The following DPP3 variants were observed in gnomAD, a reference collection of about 807,000 sequenced individuals.
The protein encoded by DPP3 is dipeptidyl peptidase 3.
Under a neutral mutation model 89.8 loss-of-function variants are expected in DPP3, and 64 were observed. That is an observed-to-expected ratio of 0.71 (90% CI 0.58 to 0.88). The LOEUF is 0.88. Among genes scored for constraint, DPP3 ranks in the 40% least tolerant of loss-of-function variants. The pLI, the probability that DPP3 is intolerant of heterozygous loss-of-function variation, is 0.00. For synonymous variants in DPP3, 377 were observed against 404.3 expected (o/e 0.93, Z 0.81); for missense variants, 835 against 972.5 (o/e 0.86, Z 1.88).
rs1855377232 is a variant in DPP3 at position 66,491,305 on chromosome 11, G to A, written c.720G>A (p.Arg240=). ...VTSKLKSYEF[R]GSPFQVTRGD... ...CCAAGCTGAAGAGCTATGAATTCCGGGGAAGCCCTTTCCAGGTGACCCGGG... is the reference window on the plus strand; with the variant it reads ...CCAAGCTGAAGAGCTATGAATTCCGAGGAAGCCCTTTCCAGGTGACCCGGG... Residue 240 remains arginine, a synonymous_variant, in exon 7 of 18, where the codon CGG becomes CGA. Transcript: ENST00000531863. The A allele has an allele frequency of 6.2e-7, 1 of 1,613,980 alleles. No homozygotes were observed. Among genetic ancestry groups the A allele is most frequent in the African/African-American group, 1.3e-5 (1 of 75,040 alleles).
At chr11:66,497,512 C>A in intron 16 of DPP3, 35 bp downstream of exon 16, 1 of 1,594,782 alleles carries the variant, frequency 6.3e-7, no homozygotes. Context: ...TGGGTCCCCA[C>A]CAACCTCTCC....
intron 16 of DPP3, among the ~76,000 whole-genome samples, chr11:66,501,579 C>T (rs57458798): frequency 3.4e-4 from 51 of 152,098 alleles, no homozygotes; most frequent in African/African-American, 1.2e-3. Context: ...AATCCCAGCA[C>T]TTTGGGAGGC....
chr11:66,497,216 A>ACCAAGGACCAAG, intron 15 of DPP3, 82 bp from the exon 16 acceptor site: 3 of 1,520,494 alleles, frequency 2.0e-6, no homozygotes, highest in South Asian at 1.3e-5. Flanking sequence ...CAAGCCTGGG[A>ACCAAGGACCAAG]CCAAGGACCA....
chr11:66,505,127 G>T (rs1855769031), intron 17 of DPP3, among the ~76,000 whole-genome samples: 1 of 152,178 alleles, frequency 6.6e-6, no homozygotes, highest in African/African-American at 2.4e-5. Flanking sequence ...GGGGTCAGGT[G>T]AGGAGGGAGC....
chr11:66,508,086 C>T (rs1855848579), intron 17 of DPP3, among the ~76,000 whole-genome samples: 1 of 152,138 alleles, frequency 6.6e-6, no homozygotes, highest in African/African-American at 2.4e-5. Flanking sequence ...TGTGTATTTG[C>T]CTGCGGTCAC....
Position 66,509,461 on chromosome 11 carries a change from A to G in DPP3, c.*210A>G, listed in dbSNP as rs1855892481. On this transcript the variant is annotated 3_prime_UTR_variant, in exon 18 of 18. Coordinates refer to ENST00000531863, the MANE Select transcript of DPP3 (RefSeq NM_130443.4). Reference sequence around the variant, plus strand: ...CCCTCTGTGATCTCATTTCATCTGCACTGCCATACGTGGAGTGAGCAAGAC... The same window carrying G: ...CCCTCTGTGATCTCATTTCATCTGCGCTGCCATACGTGGAGTGAGCAAGAC... 1.3e-6 allele frequency: 2 copies of G among 1,485,032 alleles called. No individual in the cohort carries two copies. The highest frequency in any genetic ancestry group is 2.4e-5 in the South Asian group (2 of 82,614). 92.0% of individuals were successfully genotyped at this position (1,485,032 alleles called of 1,614,324 possible).
intron 17 of DPP3, 28 bp from the exon 18 acceptor site, chr11:66,509,051 T>G: frequency 6.2e-7 from 1 of 1,611,194 alleles, no homozygotes; most frequent in Non-Finnish European, 8.5e-7. Flanking sequence ...GACCTTTCCC[T>G]GCTGTTTTCT....
At chr11:66,480,804 T>G in intron 1 of DPP3, 1 of 261,366 alleles carries the variant, frequency 3.8e-6, no homozygotes, top group Non-Finnish European at 7.2e-6. Context: ...CAGTAAATTG[T>G]TGCCCTTTCC....
At position 66,497,402 on chromosome 11, in the gene DPP3, C is replaced by A; in HGVS notation, c.1803C>A (p.Ala601=). The change falls in exon 16 of 18, where the codon GCC becomes GCA. Residue 601 remains alanine, a synonymous_variant. Coordinates refer to ENST00000531863, the MANE Select transcript of DPP3 (RefSeq NM_130443.4). ...CAGGCTCCGATGGGCGCCCAGATGC[C>A]CGGGTCCGCCTCGACCGCAGCAAGA... The part of the protein sequence containing the change: ...PTTGSDGRPD[A]RVRLDRSKIR... 2 of 1,613,922 alleles carry A rather than the reference C, an allele frequency of 1.2e-6. No homozygotes were observed. Among genetic ancestry groups the A allele is most frequent in the Non-Finnish European group, 1.7e-6 (2 of 1,179,992 alleles).
chr11:66,495,373 C>G lies in DPP3; in HGVS notation c.1461C>G (p.Ser487Arg). ...INPETGEQIQSWYRSGETWDS... is the reference protein window; with the variant it reads ...INPETGEQIQRWYRSGETWDS... ...TGGAGCTCCTTTTCCAGATTCAGAG[C>G]TGGTATCGGAGCGGGGAGACCTGGG... Residue 487 changes from serine (S) to arginine (R), a missense_variant, in exon 14 of 18, where the codon AGC (serine) becomes AGG (arginine). Physicochemically the swap from Ser to Arg is moderately radical, Grantham distance 110. Transcript: ENST00000531863. 1 of 1,613,848 alleles carries G rather than the reference C, an allele frequency of 6.2e-7. No homozygotes were observed. The highest frequency in any genetic ancestry group is 8.5e-7 in the Non-Finnish European group (1 of 1,179,824).
intron 16 of DPP3, among the ~76,000 whole-genome samples, chr11:66,498,573 C>T (rs1270947455): frequency 6.6e-6 from 1 of 152,186 alleles, no homozygotes; most frequent in Non-Finnish European, 1.5e-5. Context: ...CAAACAAAAA[C>T]AGTTTACCGT....
In DPP3 at chr11:66,508,647, C is replaced by T. The variant is rs376948698; in HGVS notation, c.2042-432C>T. Among the ~76,000 whole-genome samples the T allele has an allele frequency of 7.9e-5, 12 of 152,230 alleles. No individual in the cohort carries two copies. The South Asian group carries it at 1.0e-3, about 13-fold the overall frequency. On this transcript the variant is annotated intron_variant, in intron 17 of 17. Transcript: ENST00000531863. ...AAGCAATTCTCCAGCCTCAGCCTCC[C>T]GAGTAGCTGGGACTACAGGCTCATG...
chr11:66,495,581 G>C, intron 14 of DPP3, 49 bp from the exon 15 acceptor site: 1 of 1,613,800 alleles, frequency 6.2e-7, no homozygotes, highest in South Asian at 1.1e-5. Context: ...AGTGGGATGG[G>C]GACAGGGCAG....
intron 16 of DPP3, among the ~76,000 whole-genome samples, chr11:66,504,154 C>T (rs190090822): frequency 2.0e-4 from 31 of 151,608 alleles, no homozygotes; most frequent in East Asian, 9.7e-4. Context: ...AGAGACGAGA[C>T]GGGGTCTCAC....
intron 6 of DPP3, among the ~76,000 whole-genome samples, chr11:66,488,838 A>T (rs1385555924): frequency 1.3e-5 from 2 of 152,048 alleles, no homozygotes; most frequent in Non-Finnish European, 2.9e-5. Flanking sequence ...GTTCTGATGG[A>T]CCCTCTCTAG....
At chr11:66,481,553 C>A (rs1855081444) in intron 1 of DPP3, among the ~76,000 whole-genome samples, 3 of 152,134 alleles carry the variant, frequency 2.0e-5, no homozygotes, top group Admixed American at 2.0e-4. Context: ...AGATGAGGAT[C>A]TCTGCTGCTG....
In DPP3 at chr11:66,486,563, A is replaced by G. The variant is rs142633432; in HGVS notation, c.384A>G (p.Leu128=). Residue 128 remains leucine (L), a synonymous_variant, in exon 4 of 18, where the codon CTA becomes CTG. Transcript: ENST00000531863. Reference sequence around the variant, plus strand: ...AGGAAAAGCTGGAACGGGTGATCCTAGGGAGTGAGGCTGCTCAGCAGCACC... The same window carrying G: ...AGGAAAAGCTGGAACGGGTGATCCTGGGGAGTGAGGCTGCTCAGCAGCACC... ...LPKEKLERVI[L]GSEAAQQHPE... 3 of 1,552,704 alleles carry G rather than the reference A, an allele frequency of 1.9e-6. No individual in the cohort carries two copies. Among genetic ancestry groups the G allele is most frequent in the African/African-American group, 2.8e-5 (2 of 71,700 alleles).
intron 5 of DPP3, 114 bp from the exon 6 acceptor site, chr11:66,487,800 G>A: frequency 2.2e-6 from 2 of 921,352 alleles, no homozygotes; most frequent in Non-Finnish European, 3.3e-6. Flanking sequence ...AACCCAGAAG[G>A]CCCAGCCTGC....
At chr11:66,497,906 G>T (rs1295465918) in intron 16 of DPP3, among the ~76,000 whole-genome samples, 1 of 150,094 alleles carries the variant, frequency 6.7e-6, no homozygotes, top group Non-Finnish European at 1.5e-5. Flanking sequence ...AAAAAAAAAA[G>T]AATAAGGACA....
Sources: gnomAD v4.1 joint callset for allele counts (sites outside exome capture counted in the v4.1 genomes callset) on GRCh38, gnomAD v4.1.1 for gene constraint, MANE v1.5 for transcripts, NCBI Gene and HGNC (gene_info 2026-07-23, HGNC 2026-07-21) for gene names.